TPRG1: variants seen among roughly 807,000 people sequenced by gnomAD.
The protein encoded by TPRG1 is tumor protein p63 regulated 1.
TPRG1 carries 29 observed loss-of-function variants against 29.3 expected under a neutral mutation model. The ratio of observed to expected loss-of-function variants is 0.99; its 90% CI spans 0.74 to 1.35. The LOEUF (loss-of-function observed/expected upper bound fraction) is 1.35, where lower values mean the gene tolerates loss of function less well. Ranked by LOEUF, TPRG1 falls within the 40% of genes most tolerant of loss-of-function variation. The probability of loss-of-function intolerance (pLI) is 0.00; values close to 1 mark genes in which losing one functional copy is unlikely to be tolerated. For synonymous variants in TPRG1, 130 were observed against 116.8 expected (o/e 1.11, Z -0.73); for missense variants, 327 against 335.0 (o/e 0.98, Z 0.19).
At chr3:189,161,348 T>C (rs1727456003) in intron 5 of TPRG1, among the ~76,000 whole-genome samples, 1 of 152,204 alleles carries the variant, frequency 6.6e-6, no homozygotes, top group Non-Finnish European at 1.5e-5. Context: ...TATTCACTTG[T>C]TTCTCCTCAG....
At position 189,204,302 on chromosome 3, in the gene TPRG1, T is replaced by C. The variant is rs149108851; in HGVS notation, c.-9-3074T>C. Among the ~76,000 whole-genome samples, 212 of 152,080 alleles carry C rather than the reference T, an allele frequency of 1.4e-3. 1 individual carries two copies. The highest frequency in any genetic ancestry group is 4.8e-3 in the African/African-American group (200 of 41,358). On this transcript the variant is annotated intron_variant, in intron 1 of 5. Transcript: ENST00000345063. ...AATGTACCTTTAGCATTTCACGGAA[T>C]ACAGCCTATGCAGGGATAGAAGAGC...
At chr3:189,049,219 T>C (rs1715156850) in intron 4 of TPRG1, among the ~76,000 whole-genome samples, 1 of 152,218 alleles carries the variant, frequency 6.6e-6, no homozygotes. Context: ...CCTTTTCTCT[T>C]GCAGCTGGGA....
At chr3:189,122,230 T>G (rs1380025572) in intron 1 of TPRG1, among the ~76,000 whole-genome samples, 2 of 152,192 alleles carry the variant, frequency 1.3e-5, no homozygotes, top group Non-Finnish European at 2.9e-5. Context: ...ATATTTCTCA[T>G]TAGGTAGATT....
chr3:189,320,621 T>G lies in TPRG1; in HGVS notation c.634-5T>G. ...AACTTTGTGCCTTCTTTTTTTCTTC[T>G]TCAGTTGTCTGGGTTCATGTCTAAG... On this transcript the variant is annotated splice_region_variant and splice_polypyrimidine_tract_variant and intron_variant, in intron 5 of 5. Transcript: ENST00000345063. The G allele has an allele frequency of 6.3e-7, 1 of 1,593,778 alleles. No individual in the cohort carries two copies.
At chr3:189,230,622 C>T (rs1188081907) in intron 3 of TPRG1, among the ~76,000 whole-genome samples, 1 of 152,098 alleles carries the variant, frequency 6.6e-6, no homozygotes, top group African/African-American at 2.4e-5. Context: ...GGGTATTCTC[C>T]TATTTCCTTT....
rs190462741 is a variant in TPRG1 at position 189,005,322 on chromosome 3, T to G, written c.-660+562T>G. Reference sequence around the variant, plus strand: ...TACAAAGTGGGGACTCAGTATATCTTAATTGATTCACTGATTTTCTAGTGG... The same window carrying G: ...TACAAAGTGGGGACTCAGTATATCTGAATTGATTCACTGATTTTCTAGTGG... On this transcript the variant is annotated intron_variant, in intron 3 of 10. Coordinates refer to the TPRG1 transcript ENST00000433971. 1.1e-4 allele frequency among the ~76,000 whole-genome samples: 17 copies of G among 152,256 alleles called. 1 individual carries two copies. The East Asian group carries it at 3.3e-3, about 29-fold the overall frequency.
intron 1 of TPRG1, among the ~76,000 whole-genome samples, chr3:189,115,718 G>A (rs1300207849): frequency 1.3e-5 from 2 of 152,112 alleles, no homozygotes; most frequent in Non-Finnish European, 2.9e-5. Flanking sequence ...GTTAGCATAA[G>A]GCCCACCTGA....
chr3:189,288,678 T>C (rs1305772040), intron 4 of TPRG1, among the ~76,000 whole-genome samples: 2 of 152,264 alleles, frequency 1.3e-5, no homozygotes, highest in Non-Finnish European at 2.9e-5. Flanking sequence ...TAAGCCTAAC[T>C]CTGGGCAAAC....
At chr3:189,070,765 T>C (rs540578316) in intron 4 of TPRG1, among the ~76,000 whole-genome samples, 5 of 152,210 alleles carry the variant, frequency 3.3e-5, no homozygotes, top group African/African-American at 1.2e-4. Flanking sequence ...AAAGGAGATA[T>C]TCCAACCAAT....
rs566439788 is a variant in TPRG1 at position 189,238,953 on chromosome 3, G to A, written c.479+44G>A. On this transcript the variant is annotated intron_variant, in intron 4 of 5. Coordinates refer to ENST00000345063, the MANE Select transcript of TPRG1 (RefSeq NM_198485.4). ...CTTGAAGAAGTGGTGCAGCAGGGATGGACCTGCAGGGAAAACAAGCCGAAA... is the reference window on the plus strand; with the variant it reads ...CTTGAAGAAGTGGTGCAGCAGGGATAGACCTGCAGGGAAAACAAGCCGAAA... 1.3e-5 allele frequency: 19 copies of A among 1,488,796 alleles called. No individual in the cohort carries two copies. In the African/African-American group the frequency reaches 2.0e-4, roughly 15 times the overall value. 92.2% of individuals were successfully genotyped at this position (1,488,796 alleles called of 1,614,324 possible).
chr3:189,301,539 A>G (rs189955171), intron 4 of TPRG1, among the ~76,000 whole-genome samples: 5 of 152,234 alleles, frequency 3.3e-5, no homozygotes, highest in Admixed American at 3.3e-4. Flanking sequence ...TGTTGAAGAT[A>G]AAGGTTATAT....
chr3:189,094,593 G>T (rs558724785), intron 4 of TPRG1, among the ~76,000 whole-genome samples: 1 of 152,276 alleles, frequency 6.6e-6, no homozygotes, highest in South Asian at 2.1e-4. Flanking sequence ...ACTCCGGCTT[G>T]CATCTTAAAT....
At chr3:189,077,842 C>T (rs1447093497) in intron 4 of TPRG1, among the ~76,000 whole-genome samples, 1 of 152,098 alleles carries the variant, frequency 6.6e-6, no homozygotes, top group East Asian at 1.9e-4. Flanking sequence ...GCACTGTTAG[C>T]TTTGCATTTG....
rs907149739 is a variant in TPRG1, at chr3:189,321,069, G to T, written c.*249G>T. On this transcript the variant is annotated 3_prime_UTR_variant, in exon 6 of 6. Transcript: ENST00000345063. ...AATGCTGCTGAGCCTATCAAATACT[G>T]TTATCAAATGAGTGCCTGATCATCA... The T allele has an allele frequency of 3.7e-6, 1 of 270,626 alleles. No homozygotes were observed. Among genetic ancestry groups the T allele is most frequent in the Non-Finnish European group, 6.8e-6 (1 of 146,850 alleles). 16.8% of individuals were successfully genotyped at this position (270,626 alleles called of 1,614,324 possible).
At chr3:189,256,361 C>T (rs1711874898) in intron 4 of TPRG1, among the ~76,000 whole-genome samples, 4 of 152,168 alleles carry the variant, frequency 2.6e-5, no homozygotes. Flanking sequence ...AATTTGATTA[C>T]ACCGTGGTCT....
intron 1 of TPRG1, among the ~76,000 whole-genome samples, chr3:189,117,476 C>A (rs1721317702): frequency 6.6e-6 from 1 of 152,224 alleles, no homozygotes; most frequent in Admixed American, 6.5e-5. Flanking sequence ...TGTAGTTTAG[C>A]ACTTCAACCA....
At chr3:189,074,348 G>A (rs906265057) in intron 4 of TPRG1, among the ~76,000 whole-genome samples, 15 of 151,346 alleles carry the variant, frequency 9.9e-5, no homozygotes, top group African/African-American at 3.1e-4. Flanking sequence ...TGGGACTACA[G>A]GCGCCCGCCA....
At chr3:189,050,219 T>G (rs1715230652) in intron 4 of TPRG1, among the ~76,000 whole-genome samples, 2 of 150,114 alleles carry the variant, frequency 1.3e-5, no homozygotes. Context: ...AGAGAGAAAA[T>G]CCAAATAACC....
At chr3:189,039,174 G>A (rs1003774110) in intron 4 of TPRG1, among the ~76,000 whole-genome samples, 5 of 152,208 alleles carry the variant, frequency 3.3e-5, no homozygotes, top group African/African-American at 1.2e-4. Context: ...ATTACAGTTT[G>A]GGTAGGGAGG....
Sources: gnomAD v4.1 joint callset for allele counts (sites outside exome capture counted in the v4.1 genomes callset) on GRCh38, gnomAD v4.1.1 for gene constraint, MANE v1.5 for transcripts, NCBI Gene and HGNC (gene_info 2026-07-23, HGNC 2026-07-21) for gene names.